Variants in PLEKHG5 observed in about 807,000 individuals in gnomAD.
PLEKHG5 encodes the protein pleckstrin homology and RhoGEF domain containing G5.
PLEKHG5 carries 52 observed loss-of-function variants against 103.8 expected under a neutral mutation model. That is an observed-to-expected ratio of 0.50 (90% confidence interval 0.40 to 0.63). The LOEUF is 0.63. Ranked by LOEUF, PLEKHG5 falls within the 30% of genes least tolerant of loss-of-function variation. The probability of loss-of-function intolerance (pLI) is 0.00; values close to 1 mark genes in which losing one functional copy is unlikely to be tolerated. For missense variants in PLEKHG5, 1,205 were observed against 1,347.6 expected, an observed-to-expected ratio of 0.89 and a Z score of 1.66; for synonymous variants, 592 against 575.5, an observed-to-expected ratio of 1.03 and a Z score of -0.41.
At position 6,491,352 on chromosome 1, in the gene PLEKHG5, T is replaced by C. The variant is rs569447602; in HGVS notation, c.-88+285A>G. Among the ~76,000 whole-genome samples, 104 of 152,230 alleles carry C rather than the reference T, an allele frequency of 6.8e-4. 1 individual carries two copies. The South Asian group carries it at 0.021, about 31-fold the overall frequency. The stretch of plus-strand genomic sequence containing the variant: ...ACCTCCAGACTGCCCCACACAACCC[T>C]TGGGGCTGGGCCTATACTAGGGCAG... On this transcript the variant is annotated intron_variant, in intron 1 of 20. Transcript: ENST00000377728. The surrounding 1 kb of genome is among the most constrained non-coding windows in gnomAD (Gnocchi z 4.1).
intron 1 of PLEKHG5, among the ~76,000 whole-genome samples, chr1:6,503,554 C>T (rs990839000): frequency 6.6e-6 from 1 of 152,124 alleles, no homozygotes; most frequent in South Asian, 2.1e-4. Context: ...ATTACAGGTG[C>T]CTGCCACCAT....
At chr1:6,518,122 CG>C (rs1638675426) in intron 1 of PLEKHG5, among the ~76,000 whole-genome samples, 1 of 151,498 alleles carries the variant, frequency 6.6e-6, no homozygotes, top group African/African-American at 2.4e-5. Flanking sequence ...TTAGTAGAGA[CG>C]GGGTTTCACC....
At chr1:6,495,131 G>A (rs535358448), upstream of PLEKHG5, among the ~76,000 whole-genome samples, 3 of 152,340 alleles carry the variant, frequency 2.0e-5, no homozygotes, top group Admixed American at 6.5e-5. Context: ...CAAAAGCCTC[G>A]GGGCTCCGCA....
chr1:6,492,271 T>C (rs1645161269), upstream of PLEKHG5, among the ~76,000 whole-genome samples: 1 of 152,004 alleles, frequency 6.6e-6, no homozygotes. Context: ...GTGCCCAATG[T>C]CCCCTGTGGC....
chr1:6,473,993 A>T lies in PLEKHG5; in HGVS notation c.591+20T>A. The T allele has an allele frequency of 1.8e-5, 12 of 671,132 alleles. No individual in the cohort carries two copies. Among genetic ancestry groups the T allele is most frequent in the Non-Finnish European group, 2.5e-5 (10 of 397,030 alleles). The allele number at this position is 671,132 out of a possible 1,614,324, so 41.6% of individuals were successfully genotyped here. On this transcript the variant is annotated intron_variant, in intron 7 of 20. Coordinates refer to ENST00000377728, the MANE Select transcript of PLEKHG5 (RefSeq NM_020631.6). ...GGGCCCCTTCCCACCCCCTCCCCTG[A>T]CACACCCCCTCCTCCTCACCAAGAT...
chr1:6,498,664 C>G (rs1008958852), upstream of PLEKHG5, among the ~76,000 whole-genome samples: 1 of 152,070 alleles, frequency 6.6e-6, no homozygotes, highest in African/African-American at 2.4e-5. Context: ...GCCACAGGCA[C>G]CCCGGGGGCC....
Position 6,505,107 on chromosome 1 carries a change from G to A in PLEKHG5, c.-164-8538C>T, listed in dbSNP as rs868770810. ...GAGGCTAATGGAGAAGAGAACCCAG[G>A]CCCAGGCCCCGGCCCCAGACAGTTC... On this transcript the variant is annotated intron_variant, in intron 1 of 21. Coordinates refer to the PLEKHG5 transcript ENST00000377740. This position sits in a 1 kb window ranked among gnomAD's most constrained non-coding sequence, Gnocchi z 4.2. 2.6e-5 allele frequency among the ~76,000 whole-genome samples: 4 copies of A among 152,286 alleles called. No homozygotes were observed. In the South Asian group the frequency reaches 8.3e-4, roughly 32 times the overall value.
rs982866990 is a variant in PLEKHG5, at chr1:6,506,376, G to A, written c.-164-9807C>T. On this transcript the variant is annotated intron_variant, in intron 1 of 21. Coordinates refer to the PLEKHG5 transcript ENST00000377740. ...CCAGGGCCCCGGCCCCACACAAAGCGCCTTTCTTCCCCTCCTACAGACATT... is the reference window on the plus strand; with the variant it reads ...CCAGGGCCCCGGCCCCACACAAAGCACCTTTCTTCCCCTCCTACAGACATT... 5.3e-5 allele frequency among the ~76,000 whole-genome samples: 8 copies of A among 152,154 alleles called. 1 individual carries two copies. In the South Asian group the frequency reaches 1.4e-3, roughly 28 times the overall value.
chr1:6,481,305 C>T (rs1375576326), intron 1 of PLEKHG5, among the ~76,000 whole-genome samples: 6 of 151,940 alleles, frequency 3.9e-5, no homozygotes, highest in Non-Finnish European at 5.9e-5. Context: ...CCGAGGCGGG[C>T]GGGTCACCTG....
At chr1:6,473,731 T>C (rs1644668379) in intron 7 of PLEKHG5, among the ~76,000 whole-genome samples, 1 of 152,162 alleles carries the variant, frequency 6.6e-6, no homozygotes, top group Non-Finnish European at 1.5e-5. Flanking sequence ...CTGGGTGGTC[T>C]GTAGCCCCAG....
chr1:6,516,488 C>T (rs987140146), intron 1 of PLEKHG5, among the ~76,000 whole-genome samples: 2 of 151,864 alleles, frequency 1.3e-5, no homozygotes, highest in African/African-American at 2.4e-5. Flanking sequence ...GAAACCCCAT[C>T]TCTACTAAAA....
intron 1 of PLEKHG5, among the ~76,000 whole-genome samples, chr1:6,504,949 G>A (rs779926893): frequency 2.0e-5 from 3 of 152,118 alleles, no homozygotes; most frequent in Admixed American, 1.3e-4. Context: ...AGGCTGAACC[G>A]TCACTCTCCC....
At chr1:6,471,938 A>G (rs1644605509) in intron 10 of PLEKHG5, 130 bp from the exon 11 acceptor site, 1 of 915,044 alleles carries the variant, frequency 1.1e-6, no homozygotes, top group Non-Finnish European at 1.8e-6. Flanking sequence ...AGCCACGGAT[A>G]AGAAGGCTGT....
rs569719203 is a variant in PLEKHG5, at chr1:6,486,667, G to A, written c.-88+4970C>T. 7.2e-5 allele frequency among the ~76,000 whole-genome samples: 11 copies of A among 152,348 alleles called. No homozygotes were observed. The highest frequency in any genetic ancestry group is 2.6e-4 in the African/African-American group (11 of 41,566). On this transcript the variant is annotated intron_variant, in intron 1 of 20. Transcript: ENST00000377728. The surrounding 1 kb of genome is among the most constrained non-coding windows in gnomAD (Gnocchi z 5.3). Reference sequence around the variant, plus strand: ...CCAGGGGGCACTCAGCAAAGCCTGAGAGGACGCAAACGCCCAGACTCTGGT... The same window carrying A: ...CCAGGGGGCACTCAGCAAAGCCTGAAAGGACGCAAACGCCCAGACTCTGGT...
rs1051466499 is a variant in PLEKHG5, at chr1:6,505,644, C to G, written c.-164-9075G>C. ...GGAGAAATGACCCACGTCCTGGGAC[C>G]TGGAACGTGAATGTTCCAGAACATC... On this transcript the variant is annotated intron_variant, in intron 1 of 21. Transcript: ENST00000377740. This position sits in a 1 kb window ranked among gnomAD's most constrained non-coding sequence, Gnocchi z 4.2. 6.6e-6 allele frequency among the ~76,000 whole-genome samples: 1 copy of G among 152,220 alleles called. No individual in the cohort carries two copies. Among genetic ancestry groups the G allele is most frequent in the Non-Finnish European group, 1.5e-5 (1 of 68,040 alleles).
At chr1:6,510,583 C>T (rs1638445921) in intron 1 of PLEKHG5, among the ~76,000 whole-genome samples, 1 of 152,048 alleles carries the variant, frequency 6.6e-6, no homozygotes, top group African/African-American at 2.4e-5. Context: ...GAATGAGACT[C>T]TGTCTCCAAA....
chr1:6,488,465 C>T (rs1420246555), intron 1 of PLEKHG5, among the ~76,000 whole-genome samples: 1 of 152,222 alleles, frequency 6.6e-6, no homozygotes, highest in African/African-American at 2.4e-5. Context: ...GGGGAGCCCA[C>T]CGGTGTGGGG....
chr1:6,485,031 A>C (rs1023969287), intron 1 of PLEKHG5, among the ~76,000 whole-genome samples: 1 of 152,118 alleles, frequency 6.6e-6, no homozygotes, highest in African/African-American at 2.4e-5. Flanking sequence ...GGGGCGGCCC[A>C]GCATAGGGCC....
At chr1:6,476,462 G>T (rs1004511695) in intron 2 of PLEKHG5, among the ~76,000 whole-genome samples, 4 of 152,124 alleles carry the variant, frequency 2.6e-5, no homozygotes, top group African/African-American at 9.7e-5. Flanking sequence ...CAAAGGGCTG[G>T]GATTACAGGT....
Sources: allele counts gnomAD v4.1 joint callset (sites outside exome capture counted in the v4.1 genomes callset), GRCh38; gene constraint gnomAD v4.1.1; non-coding constraint Gnocchi (gnomAD v3.1); transcripts MANE v1.5; gene names NCBI Gene and HGNC (gene_info 2026-07-23, HGNC 2026-07-21).